Variants in ZNF107 observed in about 807,000 individuals in gnomAD.
ZNF107 encodes zinc finger protein 107.
ZNF107 carries 19 observed loss-of-function variants against 12.3 expected under a neutral mutation model. The observed-to-expected ratio is 1.55, with a 90% CI of 1.08 to 2.27. The LOEUF (loss-of-function observed/expected upper bound fraction) is 2.27, where lower values mean the gene tolerates loss of function less well. Among genes scored for constraint, ZNF107 ranks in the 30% most tolerant of loss-of-function variants. ZNF107 has a pLI of 0.00. For synonymous variants in ZNF107, 317 were observed against 330.5 expected (o/e 0.96, Z 0.44); for missense variants, 958 against 979.9 (o/e 0.98, Z 0.30).
chr7:64,709,152 T>G lies in ZNF107; in HGVS notation c.*496T>G, dbSNP rs1006110687. On this transcript the variant is annotated 3_prime_UTR_variant, in exon 4 of 4. Coordinates refer to ENST00000620827, the MANE Select transcript of ZNF107 (RefSeq NM_001282359.2). The stretch of plus-strand genomic sequence containing the variant: ...AATTGTGAAGAATGTGGCAAAGCTT[T>G]TAACCTTCCTTAACCCTTAACTGTA... The G allele has an allele frequency of 1.0e-4, 46 of 450,788 alleles. No homozygotes were observed. The highest frequency in any genetic ancestry group is 2.0e-4 in the Non-Finnish European group (45 of 224,362). 27.9% of individuals were successfully genotyped at this position (450,788 alleles called of 1,614,324 possible).
At chr7:64,696,709 C>T (rs949774895) in intron 3 of ZNF107, among the ~76,000 whole-genome samples, 4 of 151,542 alleles carry the variant, frequency 2.6e-5, no homozygotes, top group Non-Finnish European at 4.4e-5. Flanking sequence ...CTTAAGTTAT[C>T]TCATGTAAGT....
intron 1 of ZNF107, among the ~76,000 whole-genome samples, chr7:64,683,896 C>T (rs1235538480): frequency 6.6e-6 from 1 of 152,166 alleles, no homozygotes; most frequent in Admixed American, 6.5e-5. Context: ...TCGAGGCCTT[C>T]CCTACTGGAT....
chr7:64,695,730 A>AG (rs1790266462), intron 3 of ZNF107, among the ~76,000 whole-genome samples: 1 of 152,122 alleles, frequency 6.6e-6, no homozygotes, highest in Admixed American at 6.6e-5. Context: ...TGGTGGTTTT[A>AG]GCTTGTCTAA....
rs1412153691 is a variant in ZNF107 at position 64,709,564 on chromosome 7, GGTT to G, written c.*911_*913del. ...GAAAAATATCACAAAGCCTTTAAAT[GGTT>G]GTCACACTTGATTGTAGGTAAGAAT... is the stretch of plus-strand genomic sequence containing the variant. On this transcript the variant is annotated 3_prime_UTR_variant, in exon 4 of 4. Transcript: ENST00000620827. The G allele has an allele frequency of 2.6e-6, 1 of 388,662 alleles. No individual in the cohort carries two copies. The allele number at this position is 388,662 out of a possible 1,614,324, so 24.1% of individuals were successfully genotyped here. A position where few individuals can be genotyped will look rare whatever the true frequency, so the allele number is the denominator to read the frequency against.
chr7:64,678,155 G>A (rs1003967975), intron 1 of ZNF107, among the ~76,000 whole-genome samples: 1 of 152,006 alleles, frequency 6.6e-6, no homozygotes, highest in Non-Finnish European at 1.5e-5. Flanking sequence ...TTTTGCTTTG[G>A]CAAATTTTTT....
Position 64,707,539 on chromosome 7 carries a change from A to G in ZNF107, c.1442A>G (p.Tyr481Cys). 1.2e-6 allele frequency: 2 copies of G among 1,613,298 alleles called. No homozygotes were observed. Among genetic ancestry groups the G allele is most frequent in the East Asian group, 2.2e-5 (1 of 44,798 alleles). Residue 481 changes from tyrosine (Y) to cysteine (C), a missense_variant, in exon 4 of 4, where the codon TAC becomes TGC. Transcript: ENST00000620827. ...AAAATTTATTCTGGAGAGAAACCATACAAATGTGAAGAATGTGGAAAAGCT... is the reference window on the plus strand; with the variant it reads ...AAAATTTATTCTGGAGAGAAACCATGCAAATGTGAAGAATGTGGAAAAGCT... ...HRKIYSGEKP[Y>C]KCEECGKAFN...
chr7:64,666,423 C>T (rs1257721543), intron 1 of ZNF107, 138 bp downstream of exon 1: 3 of 1,214,030 alleles, frequency 2.5e-6, no homozygotes, highest in South Asian at 1.4e-5. Flanking sequence ...CTCAGTCCCC[C>T]GCGGCCCCGA....
intron 1 of ZNF107, among the ~76,000 whole-genome samples, chr7:64,681,620 C>G (rs1159676011): frequency 6.6e-6 from 1 of 152,022 alleles, no homozygotes; most frequent in Non-Finnish European, 1.5e-5. Context: ...CCTTATCATC[C>G]CTTTAAGGCC....
rs1170628235 is a variant in ZNF107 at position 64,710,956 on chromosome 7, T to C, written c.*2300T>C. On this transcript the variant is annotated 3_prime_UTR_variant, in exon 4 of 4. Coordinates refer to ENST00000620827, the MANE Select transcript of ZNF107 (RefSeq NM_001282359.2). ...AAACCATTTTTAATCTTAGTTAAAA[T>C]TAAAGTGAATTAGTAGTATATCATT... 2 of 152,184 alleles carry C rather than the reference T, an allele frequency of 1.3e-5. No homozygotes were observed. The highest frequency in any genetic ancestry group is 2.9e-5 in the Non-Finnish European group (2 of 67,992). The allele number at this position is 152,184 out of a possible 1,614,324, so 9.4% of individuals were successfully genotyped here. A position where few individuals can be genotyped will look rare whatever the true frequency, so the allele number is the denominator to read the frequency against.
chr7:64,708,504 T>G lies in ZNF107; in HGVS notation c.2407T>G (p.Ser803Ala). 6.2e-7 allele frequency: 1 copy of G among 1,610,844 alleles called. No individual in the cohort carries two copies. Among genetic ancestry groups the G allele is most frequent in the Non-Finnish European group, 8.5e-7 (1 of 1,178,756 alleles). The part of the protein sequence containing the change: ...ECGKSFNQFS[S>A]LNIHKIIHTG... ...TGGCAAATCCTTTAACCAGTTCTCA[T>G]CTCTTAATATACATAAGATAATTCA... is the stretch of plus-strand genomic sequence containing the variant. Residue 803 changes from serine to alanine, a missense_variant, in exon 4 of 4, where the codon TCT (serine) becomes GCT (alanine). Ser to Ala is a moderately conservative substitution (Grantham distance 99). Transcript: ENST00000620827.
At chr7:64,675,636 G>A (rs1789388560) in intron 1 of ZNF107, among the ~76,000 whole-genome samples, 1 of 152,084 alleles carries the variant, frequency 6.6e-6, no homozygotes, top group Admixed American at 6.5e-5. Context: ...CCTTCTGCTA[G>A]TTTAGAAGTT....
intron 3 of ZNF107, among the ~76,000 whole-genome samples, chr7:64,699,703 TCA>T (rs1195871217): frequency 6.6e-6 from 1 of 152,198 alleles, no homozygotes; most frequent in Non-Finnish European, 1.5e-5. Flanking sequence ...CTCCTGCAGT[TCA>T]CTGGTATTTT....
At chr7:64,683,956 C>T (rs1789794578) in intron 1 of ZNF107, among the ~76,000 whole-genome samples, 1 of 152,164 alleles carries the variant, frequency 6.6e-6, no homozygotes. Flanking sequence ...ATATTGTTAC[C>T]TGTTTCGGCC....
chr7:64,706,176 A>C lies in ZNF107; in HGVS notation c.227-148A>C, dbSNP rs1405889287. 1.9e-5 allele frequency: 14 copies of C among 751,478 alleles called. No homozygotes were observed. In the East Asian group the frequency reaches 3.7e-4, roughly 20 times the overall value. The allele number at this position is 751,478 out of a possible 1,614,324, so 46.6% of individuals were successfully genotyped here. A position where few individuals can be genotyped will look rare whatever the true frequency, so the allele number is the denominator to read the frequency against. On this transcript the variant is annotated intron_variant, in intron 3 of 3. Transcript: ENST00000620827. ...ATTTTGGTGTTTATGTTTTTGTTAC[A>C]TTTATATGTCTATGAAGAAATTAGA... is the stretch of plus-strand genomic sequence containing the variant.
At chr7:64,686,109 C>T (rs1789897835) in intron 1 of ZNF107, among the ~76,000 whole-genome samples, 1 of 152,126 alleles carries the variant, frequency 6.6e-6, no homozygotes, top group South Asian at 2.1e-4. Flanking sequence ...GTGGCTTAGA[C>T]CTCCTAACCG....
chr7:64,701,436 A>G (rs1424407477), intron 3 of ZNF107, among the ~76,000 whole-genome samples: 1 of 144,226 alleles, frequency 6.9e-6, no homozygotes, highest in Non-Finnish European at 1.5e-5. Flanking sequence ...TAATTTTTGT[A>G]TTTTTTTTTT....
intron 1 of ZNF107, chr7:64,679,304 C>T (rs1346375986): frequency 4.1e-6 from 4 of 985,082 alleles, no homozygotes; most frequent in Non-Finnish European, 4.8e-6. Flanking sequence ...CTCGGACCAG[C>T]TCTGTAAAAG....
At chr7:64,690,876 G>A (rs1790094187) in intron 1 of ZNF107, among the ~76,000 whole-genome samples, 1 of 151,986 alleles carries the variant, frequency 6.6e-6, no homozygotes, top group African/African-American at 2.4e-5. Flanking sequence ...CTAGTAACTG[G>A]GATTACAGAC....
intron 1 of ZNF107, chr7:64,686,484 C>T (rs1275812459): frequency 7.1e-6 from 7 of 984,828 alleles, no homozygotes; most frequent in Non-Finnish European, 8.4e-6. Flanking sequence ...CCATGCCGCC[C>T]CAAGTCCCGC....
Sources: gnomAD v4.1 joint callset for allele counts (sites outside exome capture counted in the v4.1 genomes callset) on GRCh38, gnomAD v4.1.1 for gene constraint, MANE v1.5 for transcripts, NCBI Gene and HGNC (gene_info 2026-07-23, HGNC 2026-07-21) for gene names.